The following GRIN3A variants were observed in gnomAD, a reference collection of about 807,000 sequenced individuals.
The protein encoded by GRIN3A is glutamate receptor ionotropic, NMDA 3A.
Under a neutral mutation model 92.4 loss-of-function variants are expected in GRIN3A, and 47 were observed. That is an observed-to-expected ratio of 0.51 (90% CI 0.40 to 0.65). GRIN3A has a LOEUF of 0.65. Ranked by LOEUF, GRIN3A falls within the 30% of genes least tolerant of loss-of-function variation. The pLI, the probability that GRIN3A is intolerant of heterozygous loss-of-function variation, is 0.00. For synonymous variants in GRIN3A, 527 were observed against 540.6 expected, an observed-to-expected ratio of 0.97 and a Z score of 0.35; for missense variants, 1,324 against 1,393.1, an observed-to-expected ratio of 0.95 and a Z score of 0.79.
intron 1 of GRIN3A, among the ~76,000 whole-genome samples, chr9:101,699,383 A>G (rs1829726153): frequency 6.6e-6 from 1 of 152,210 alleles, no homozygotes; most frequent in Non-Finnish European, 1.5e-5. Context: ...AACTTAAAAA[A>G]AATAAGTAGA....
At position 101,738,354 on chromosome 9, in the gene GRIN3A, T is replaced by G; in HGVS notation, c.-375A>C. On this transcript the variant is annotated 5_prime_UTR_variant, in exon 1 of 9. Transcript: ENST00000361820. ...CGGCCGGGATGAGAAGCAGCCGGAG[T>G]TCCTCGGGGGCAGCAGTGACAGAGG... 14 of 284,806 alleles carry G rather than the reference T, an allele frequency of 4.9e-5. No homozygotes were observed. The highest frequency in any genetic ancestry group is 1.1e-4 in the East Asian group (1 of 9,376). The allele number at this position is 284,806 out of a possible 1,614,324, so 17.6% of individuals were successfully genotyped here. A position where few individuals can be genotyped will look rare whatever the true frequency, so the allele number is the denominator to read the frequency against.
At chr9:101,623,910 T>G (rs1374886467) in intron 4 of GRIN3A, among the ~76,000 whole-genome samples, 7 of 152,340 alleles carry the variant, frequency 4.6e-5, no homozygotes. Flanking sequence ...GTGTTGGGAC[T>G]AGGTTCAGAT....
At chr9:101,689,678 A>G (rs937758770) in intron 1 of GRIN3A, among the ~76,000 whole-genome samples, 28 of 151,812 alleles carry the variant, frequency 1.8e-4, no homozygotes, top group African/African-American at 5.8e-4. Context: ...GTGTTTTCCA[A>G]TTTCTCCCCA....
intron 3 of GRIN3A, among the ~76,000 whole-genome samples, chr9:101,654,354 C>G (rs1829055711): frequency 6.7e-6 from 1 of 149,112 alleles, no homozygotes; most frequent in Non-Finnish European, 1.5e-5. Context: ...TTTATATTTT[C>G]CATTATATAT....
chr9:101,599,214 C>A (rs545744674), intron 6 of GRIN3A, among the ~76,000 whole-genome samples: 1 of 152,038 alleles, frequency 6.6e-6, no homozygotes, highest in East Asian at 1.9e-4. Flanking sequence ...GATGAGGTAG[C>A]GTATATAGAA....
intron 2 of GRIN3A, among the ~76,000 whole-genome samples, chr9:101,677,819 T>C (rs145307040): frequency 3.9e-5 from 6 of 152,280 alleles, no homozygotes; most frequent in Non-Finnish European, 5.9e-5. Context: ...AAATTAAACA[T>C]TAAATGTGCG....
At position 101,628,314 on chromosome 9, in the gene GRIN3A, G is replaced by A. The variant is rs748521737; in HGVS notation, c.2440C>T (p.His814Tyr). ...DYVRQSFPEM[H>Y]EYMRRYNVPA... ...ACATTGTACCTTCTCATATATTCAT[G>A]CATCTCTGGGAAACTTTGTCTCACA... The change falls in exon 4 of 9, where the codon CAT (histidine) becomes TAT (tyrosine). Residue 814 changes from histidine (H) to tyrosine (Y), a missense_variant. His to Tyr is a moderately conservative substitution (Grantham distance 83). Transcript: ENST00000361820. 6.2e-7 allele frequency: 1 copy of A among 1,613,806 alleles called. No individual in the cohort carries two copies. Among genetic ancestry groups the A allele is most frequent in the Admixed American group, 1.7e-5 (1 of 59,970 alleles).
At chr9:101,578,854 G>T (rs1330913525) in intron 7 of GRIN3A, among the ~76,000 whole-genome samples, 1 of 152,046 alleles carries the variant, frequency 6.6e-6, no homozygotes, top group Non-Finnish European at 1.5e-5. Context: ...CACGTAATAG[G>T]TTTCAATTTT....
chr9:101,685,754 A>G (rs1424308032), intron 2 of GRIN3A, among the ~76,000 whole-genome samples: 1 of 151,114 alleles, frequency 6.6e-6, no homozygotes, highest in East Asian at 1.9e-4. Flanking sequence ...TTTTATATAT[A>G]TATAATACTC....
Position 101,570,828 on chromosome 9 carries a change from G to A in GRIN3A, c.*2346C>T, listed in dbSNP as rs372986045. On this transcript the variant is annotated 3_prime_UTR_variant, in exon 9 of 9. Transcript: ENST00000361820. ...GGGATAATTAATTGCATTACAAAAGGGTGCTTTACTTTACAAAAGAATTCA... is the reference window on the plus strand; with the variant it reads ...GGGATAATTAATTGCATTACAAAAGAGTGCTTTACTTTACAAAAGAATTCA... 4.8e-4 allele frequency: 74 copies of A among 152,636 alleles called. No individual in the cohort carries two copies. The highest frequency in any genetic ancestry group is 1.6e-3 in the African/African-American group (66 of 41,514). 9.5% of individuals were successfully genotyped at this position (152,636 alleles called of 1,614,324 possible).
At chr9:101,665,686 C>G (rs1242690472) in intron 3 of GRIN3A, among the ~76,000 whole-genome samples, 2 of 151,700 alleles carry the variant, frequency 1.3e-5, no homozygotes, top group Non-Finnish European at 2.9e-5. Flanking sequence ...ACAAATGTCC[C>G]AAAAGAACCA....
chr9:101,734,933 T>C (rs1173354559), intron 1 of GRIN3A, among the ~76,000 whole-genome samples: 2 of 151,966 alleles, frequency 1.3e-5, no homozygotes, highest in East Asian at 3.8e-4. Flanking sequence ...TTTTATTTAA[T>C]GTGTAAAATG....
At chr9:101,691,942 T>C (rs1024015870) in intron 1 of GRIN3A, among the ~76,000 whole-genome samples, 4 of 152,200 alleles carry the variant, frequency 2.6e-5, no homozygotes, top group Admixed American at 2.6e-4. Context: ...TGCTACTTCC[T>C]AACTTATGGA....
chr9:101,631,334 CT>C (rs1177742985), intron 3 of GRIN3A, among the ~76,000 whole-genome samples: 1 of 152,172 alleles, frequency 6.6e-6, no homozygotes, highest in African/African-American at 2.4e-5. Context: ...AACAGTATAG[CT>C]TACAACTCAA....
intron 6 of GRIN3A, among the ~76,000 whole-genome samples, chr9:101,613,045 C>G (rs1186443119): frequency 6.6e-6 from 1 of 152,226 alleles, no homozygotes; most frequent in Admixed American, 6.5e-5. Flanking sequence ...ACGATTAAAT[C>G]AAACACTGTT....
At chr9:101,689,385 T>G (rs898229603) in intron 1 of GRIN3A, among the ~76,000 whole-genome samples, 5 of 152,144 alleles carry the variant, frequency 3.3e-5, no homozygotes, top group Non-Finnish European at 7.3e-5. Flanking sequence ...TCTTGCTAAA[T>G]AGGAAGTTGA....
intron 2 of GRIN3A, among the ~76,000 whole-genome samples, chr9:101,683,847 T>TGAGAGAGAGAGAGAGAGA (rs55960998): frequency 3.7e-5 from 5 of 136,220 alleles, no homozygotes; most frequent in Admixed American, 2.9e-4. Flanking sequence ...AGAGAGACAG[T>TGAGAGAGAGAGAGAGAGA]GAGAGAGAGA....
chr9:101,628,534 A>G (rs1427842863), intron 3 of GRIN3A, 133 bp from the exon 4 acceptor site: 3 of 828,924 alleles, frequency 3.6e-6, no homozygotes, highest in South Asian at 1.7e-5. Flanking sequence ...AAACATGTAC[A>G]TAGAAATGTG....
At chr9:101,687,412 G>C (rs1182578425) in intron 1 of GRIN3A, among the ~76,000 whole-genome samples, 7 of 152,084 alleles carry the variant, frequency 4.6e-5, no homozygotes, top group Admixed American at 3.3e-4. Context: ...TTTGCTAAGA[G>C]TACCAGAGGG....
Sources: allele counts gnomAD v4.1 joint callset (sites outside exome capture counted in the v4.1 genomes callset), GRCh38; gene constraint gnomAD v4.1.1; transcripts MANE v1.5; gene names NCBI Gene and HGNC (gene_info 2026-07-23, HGNC 2026-07-21).